Variants in RIMS1 observed in about 807,000 individuals in gnomAD.
RIMS1 encodes the protein regulating synaptic membrane exocytosis 1.
A neutral mutation model predicts 214.1 loss-of-function variants in RIMS1; 83 were observed. The observed-to-expected ratio is 0.39, with a 90% CI of 0.32 to 0.47. The LOEUF (loss-of-function observed/expected upper bound fraction) is 0.47. RIMS1 is among the 20% of genes least tolerant of loss of function. RIMS1 has a pLI of 0.99. For missense variants in RIMS1, 2,050 were observed against 2,161.8 expected, an observed-to-expected ratio of 0.95 and a Z score of 1.03; for synonymous variants, 793 against 786.8, an observed-to-expected ratio of 1.01 and a Z score of -0.13.
At position 72,250,410 on chromosome 6, in the gene RIMS1, T is replaced by A; in HGVS notation, c.2322T>A (p.Asp774Glu). ...LQATDLPARV[D>E]GRPRNPYVKM... ...CAACAGATCTACCTGCTAGAGTAGA[T>A]GGACGTCCTCGAAATCCCTATGTAA... Residue 774 changes from aspartate (D) to glutamate (E), a missense_variant, in exon 13 of 34, where the codon GAT becomes GAA. Transcript: ENST00000521978. 1.2e-6 allele frequency: 2 copies of A among 1,608,860 alleles called. No homozygotes were observed. Among genetic ancestry groups the A allele is most frequent in the Non-Finnish European group, 1.7e-6 (2 of 1,176,328 alleles).
At chr6:71,894,296 A>G (rs2150373180) in intron 1 of RIMS1, among the ~76,000 whole-genome samples, 1 of 152,250 alleles carries the variant, frequency 6.6e-6, no homozygotes, top group East Asian at 1.9e-4. Context: ...AATACAAAAA[A>G]TTAACCTGGT....
intron 6 of RIMS1, among the ~76,000 whole-genome samples, chr6:72,215,976 C>T (rs2055810048): frequency 6.6e-6 from 1 of 152,166 alleles, no homozygotes; most frequent in Non-Finnish European, 1.5e-5. Flanking sequence ...CTAATTTTCT[C>T]TCTATCCTCA....
intron 9 of RIMS1, among the ~76,000 whole-genome samples, chr6:72,240,423 A>G (rs2066235145): frequency 6.6e-6 from 1 of 151,132 alleles, no homozygotes; most frequent in Admixed American, 6.6e-5. Context: ...GAATAGAAAA[A>G]TCAGGGTAAG....
chr6:71,903,157 A>T lies in RIMS1; in HGVS notation c.164+15970A>T, dbSNP rs191149218. Among the ~76,000 whole-genome samples the T allele has an allele frequency of 2.6e-5, 4 of 152,168 alleles. No homozygotes were observed. The East Asian group carries it at 7.7e-4, about 29-fold the overall frequency. ...ACATTCCCACCAACAGTGTAGAAGC[A>T]TTCCTTTTTCTCTGCAACCCCACCA... On this transcript the variant is annotated intron_variant, in intron 1 of 33. Transcript: ENST00000521978.
intron 28 of RIMS1, among the ~76,000 whole-genome samples, chr6:72,324,259 A>T (rs149797798): frequency 2.5e-4 from 38 of 152,172 alleles, no homozygotes; most frequent in African/African-American, 8.9e-4. Context: ...TGTAGACGTG[A>T]AAAATATATA....
At chr6:72,325,046 A>G (rs1564063178) in intron 28 of RIMS1, among the ~76,000 whole-genome samples, 1 of 151,950 alleles carries the variant, frequency 6.6e-6, no homozygotes, top group African/African-American at 2.4e-5. Context: ...ATTGTTTTCA[A>G]CCTTTTCACC....
At chr6:72,125,552 T>C (rs995293761) in intron 4 of RIMS1, among the ~76,000 whole-genome samples, 1 of 152,200 alleles carries the variant, frequency 6.6e-6, no homozygotes, top group Non-Finnish European at 1.5e-5. Flanking sequence ...TCTGCAGAAG[T>C]TTCTACTACC....
At chr6:72,062,149 G>GT (rs543367401) in intron 2 of RIMS1, among the ~76,000 whole-genome samples, 5 of 152,162 alleles carry the variant, frequency 3.3e-5, no homozygotes, top group Admixed American at 2.6e-4. Flanking sequence ...AGATTTAGGG[G>GT]TTTTTTCTAT....
At chr6:72,035,074 A>G (rs1299355342) in intron 2 of RIMS1, among the ~76,000 whole-genome samples, 5 of 152,122 alleles carry the variant, frequency 3.3e-5, no homozygotes, top group Admixed American at 1.3e-4. Flanking sequence ...CCAGCTTGCT[A>G]TGTTACTCTG....
chr6:72,364,927 C>T (rs936846625), intron 29 of RIMS1, among the ~76,000 whole-genome samples: 1 of 152,174 alleles, frequency 6.6e-6, no homozygotes, highest in African/African-American at 2.4e-5. Flanking sequence ...GCTGACTACA[C>T]AATTGGAAGG....
chr6:72,233,156 T>G (rs1192974793), intron 6 of RIMS1, among the ~76,000 whole-genome samples: 1 of 151,800 alleles, frequency 6.6e-6, no homozygotes, highest in Non-Finnish European at 1.5e-5. Flanking sequence ...CATTATATTG[T>G]TAAGCCAAAA....
At chr6:72,375,705 G>A (rs2098355564) in intron 29 of RIMS1, among the ~76,000 whole-genome samples, 3 of 152,176 alleles carry the variant, frequency 2.0e-5, no homozygotes, top group Admixed American at 2.0e-4. Context: ...TCTGGAGGGA[G>A]TGGGGCAAGG....
chr6:72,007,814 G>A lies in RIMS1; in HGVS notation c.245+38751G>A, dbSNP rs143379885. Among the ~76,000 whole-genome samples the A allele has an allele frequency of 2.3e-3, 349 of 152,276 alleles. 1 individual carries two copies. Among genetic ancestry groups the A allele is most frequent in the Non-Finnish European group, 2.2e-3 (147 of 68,022 alleles). On this transcript the variant is annotated intron_variant, in intron 2 of 33. Coordinates refer to ENST00000521978, the MANE Select transcript of RIMS1 (RefSeq NM_014989.7). ...AACAAACAAAGCCTCCAAGAAATAC[G>A]GGACTATGTGAAAAGACCAAATCTA...
At chr6:71,974,274 G>C (rs1333095682) in intron 2 of RIMS1, among the ~76,000 whole-genome samples, 1 of 151,956 alleles carries the variant, frequency 6.6e-6, no homozygotes, top group Non-Finnish European at 1.5e-5. Flanking sequence ...TGTGTATGTG[G>C]TTTCGTGGGT....
At position 72,313,589 on chromosome 6, in the gene RIMS1, C is replaced by G. The variant is rs766627529; in HGVS notation, c.4047C>G (p.Ala1349=). The G allele has an allele frequency of 6.2e-7, 1 of 1,613,760 alleles. No homozygotes were observed. The highest frequency in any genetic ancestry group is 1.1e-5 in the South Asian group (1 of 91,032). Residue 1349 remains alanine (A), a synonymous_variant, in exon 28 of 34, where the codon GCC becomes GCG. Transcript: ENST00000521978. The part of the protein sequence containing the change: ...SSDSDVSDVS[A]ISRTSSASRL... ...ATAGTGATGTCAGTGATGTTTCCGCCATTTCCCGAACCAGCAGTGCCTCAC... is the reference window on the plus strand; with the variant it reads ...ATAGTGATGTCAGTGATGTTTCCGCGATTTCCCGAACCAGCAGTGCCTCAC...
intron 27 of RIMS1, among the ~76,000 whole-genome samples, chr6:72,307,973 T>C (rs1356487057): frequency 3.9e-5 from 6 of 152,162 alleles, no homozygotes; most frequent in Non-Finnish European, 8.8e-5. Flanking sequence ...AAGCAAGATA[T>C]ATGAAGCCAT....
chr6:72,003,690 A>C (rs1241003574), intron 2 of RIMS1, among the ~76,000 whole-genome samples: 3 of 151,952 alleles, frequency 2.0e-5, no homozygotes, highest in African/African-American at 7.2e-5. Context: ...TATCCCTGCT[A>C]TATGACTGTG....
At chr6:72,153,932 C>G (rs1044028739) in intron 4 of RIMS1, among the ~76,000 whole-genome samples, 6 of 152,082 alleles carry the variant, frequency 3.9e-5, no homozygotes, top group African/African-American at 1.4e-4. Context: ...AATAGAACTT[C>G]TTTGCATGCT....
chr6:71,943,313 A>G (rs1319870723), intron 1 of RIMS1, among the ~76,000 whole-genome samples: 2 of 152,148 alleles, frequency 1.3e-5, no homozygotes, highest in Non-Finnish European at 2.9e-5. Flanking sequence ...TTCCTTTGGG[A>G]ACAATTTGTT....
Sources: allele counts gnomAD v4.1 joint callset (sites outside exome capture counted in the v4.1 genomes callset), GRCh38; gene constraint gnomAD v4.1.1; transcripts MANE v1.5; gene names NCBI Gene and HGNC (gene_info 2026-07-23, HGNC 2026-07-21).